The following MAGI2 variants were observed in gnomAD, a reference collection of about 807,000 sequenced individuals.
MAGI2 encodes the protein membrane-associated guanylate kinase, WW and PDZ domain-containing protein 2.
A neutral mutation model predicts 133.3 loss-of-function variants in MAGI2; 35 were observed. The ratio of observed to expected loss-of-function variants is 0.26; its 90% CI spans 0.20 to 0.35. The LOEUF (loss-of-function observed/expected upper bound fraction) is 0.35. Ranked by LOEUF, MAGI2 falls within the 10% of genes least tolerant of loss-of-function variation. The pLI, the probability that MAGI2 is intolerant of heterozygous loss-of-function variation, is 1.00. For synonymous variants in MAGI2, 729 were observed against 710.6 expected, an observed-to-expected ratio of 1.03 and a Z score of -0.41; for missense variants, 1,636 against 1,863.4, an observed-to-expected ratio of 0.88 and a Z score of 2.25.
At chr7:78,176,057 G>C (rs1231962940) in intron 14 of MAGI2, among the ~76,000 whole-genome samples, 1 of 152,132 alleles carries the variant, frequency 6.6e-6, no homozygotes, top group Non-Finnish European at 1.5e-5. Context: ...CAGGGAGGCT[G>C]GAGGGCTGAC....
chr7:79,053,534 T>C (rs568912323), intron 1 of MAGI2, among the ~76,000 whole-genome samples: 1 of 152,298 alleles, frequency 6.6e-6, no homozygotes, highest in South Asian at 2.1e-4. Flanking sequence ...AAAAAAACTT[T>C]ATAATATGTA....
At chr7:78,486,804 T>C (rs904055065) in intron 6 of MAGI2, 3 of 443,274 alleles carry the variant, frequency 6.8e-6, no homozygotes, top group African/African-American at 4.0e-5. Flanking sequence ...TGTATCTTAC[T>C]ACTGCCCTAG....
chr7:78,687,250 G>A (rs1196262743), intron 2 of MAGI2, among the ~76,000 whole-genome samples: 1 of 152,142 alleles, frequency 6.6e-6, no homozygotes, highest in Non-Finnish European at 1.5e-5. Flanking sequence ...ACGATCAGGA[G>A]TATATAAACG....
At chr7:79,206,633 T>C (rs1585200687) in intron 1 of MAGI2, among the ~76,000 whole-genome samples, 1 of 151,868 alleles carries the variant, frequency 6.6e-6, no homozygotes, top group African/African-American at 2.4e-5. Flanking sequence ...TGAATTCTAA[T>C]AAACATTTAA....
intron 1 of MAGI2, among the ~76,000 whole-genome samples, chr7:79,056,400 A>T (rs1813152476): frequency 6.6e-6 from 1 of 152,186 alleles, no homozygotes; most frequent in Non-Finnish European, 1.5e-5. Context: ...GAATAAGTTC[A>T]TAGGTCACAA....
chr7:78,091,052 A>ATGTG (rs3084764), intron 20 of MAGI2, among the ~76,000 whole-genome samples: 17,634 of 150,054 alleles, frequency 0.12, 1,339 homozygotes, highest in Non-Finnish European at 0.18. Context: ...ATGTGTGTGT[A>ATGTG]TGTGTGTGTG....
At chr7:79,286,696 CT>C (rs1294154070) in intron 1 of MAGI2, among the ~76,000 whole-genome samples, 2 of 152,110 alleles carry the variant, frequency 1.3e-5, no homozygotes, top group South Asian at 2.1e-4. Context: ...TAAAAAACAA[CT>C]TTTGGGTTAC....
intron 1 of MAGI2, among the ~76,000 whole-genome samples, chr7:79,108,903 C>G (rs1818671139): frequency 1.3e-5 from 2 of 152,150 alleles, no homozygotes; most frequent in African/African-American, 4.8e-5. Flanking sequence ...GCCCCCTATT[C>G]TCTCTTTGGC....
intron 3 of MAGI2, among the ~76,000 whole-genome samples, chr7:78,531,581 A>T (rs1797477297): frequency 6.6e-6 from 1 of 152,214 alleles, no homozygotes; most frequent in South Asian, 2.1e-4. Context: ...CTCAGTACGT[A>T]AGAAAAGGAA....
intron 2 of MAGI2, among the ~76,000 whole-genome samples, chr7:78,788,548 TA>T (rs1827019328): frequency 6.6e-6 from 1 of 151,730 alleles, no homozygotes; most frequent in Non-Finnish European, 1.5e-5. Flanking sequence ...CATTTTTTTT[TA>T]AAATTTGAAT....
chr7:78,957,391 C>G (rs1348112495), intron 2 of MAGI2, among the ~76,000 whole-genome samples: 1 of 150,944 alleles, frequency 6.6e-6, no homozygotes, highest in Non-Finnish European at 1.5e-5. Flanking sequence ...TTGGTTTGAA[C>G]TGAGCTTCTA....
At chr7:79,182,441 A>C (rs1377233988) in intron 1 of MAGI2, among the ~76,000 whole-genome samples, 1 of 151,922 alleles carries the variant, frequency 6.6e-6, no homozygotes, top group South Asian at 2.1e-4. Context: ...AGAACACTGC[A>C]GGAAAGTCCT....
At chr7:78,241,682 C>A (rs956863237) in intron 10 of MAGI2, among the ~76,000 whole-genome samples, 1 of 152,156 alleles carries the variant, frequency 6.6e-6, no homozygotes. Flanking sequence ...CCTGTAATCC[C>A]TACACTTTGG....
At chr7:79,274,326 A>T (rs1162435015) in intron 1 of MAGI2, among the ~76,000 whole-genome samples, 1 of 152,094 alleles carries the variant, frequency 6.6e-6, no homozygotes, top group Non-Finnish European at 1.5e-5. Context: ...GGTTTGGCAC[A>T]GGAACTTTCT....
intron 18 of MAGI2, 105 bp from the exon 19 acceptor site, chr7:78,127,521 A>C: frequency 2.7e-6 from 2 of 746,912 alleles, no homozygotes; most frequent in East Asian, 2.8e-5. Context: ...GCTCACACAA[A>C]CCACTCCTCT....
At chr7:78,245,159 C>A (rs116060887) in intron 10 of MAGI2, among the ~76,000 whole-genome samples, 1 of 152,100 alleles carries the variant, frequency 6.6e-6, no homozygotes, top group Admixed American at 6.5e-5. Flanking sequence ...GAAAAAATTA[C>A]GAGAAACACT....
intron 2 of MAGI2, among the ~76,000 whole-genome samples, chr7:78,782,606 G>A (rs1027567732): frequency 1.3e-5 from 2 of 151,818 alleles, no homozygotes; most frequent in Non-Finnish European, 2.9e-5. Flanking sequence ...AGAAGAGAGG[G>A]AACATCAATA....
intron 1 of MAGI2, among the ~76,000 whole-genome samples, chr7:79,212,492 AC>A (rs768844934): frequency 2.4e-4 from 37 of 151,920 alleles, no homozygotes; most frequent in Non-Finnish European, 4.9e-4. Context: ...ATTTCCTCAA[AC>A]TCTTGCCAGT....
intron 9 of MAGI2, among the ~76,000 whole-genome samples, chr7:78,319,652 C>T (rs1787791649): frequency 6.6e-6 from 1 of 152,140 alleles, no homozygotes; most frequent in Non-Finnish European, 1.5e-5. Flanking sequence ...ATTTATAGCA[C>T]TAAATGCCCA....
Sources: allele counts gnomAD v4.1 joint callset (sites outside exome capture counted in the v4.1 genomes callset), GRCh38; gene constraint gnomAD v4.1.1; transcripts MANE v1.5; gene names NCBI Gene and HGNC (gene_info 2026-07-23, HGNC 2026-07-21).